The following CDKL4 variants were observed in gnomAD, a reference collection of about 807,000 sequenced individuals.
CDKL4 encodes cyclin-dependent kinase-like 4.
CDKL4 carries 44 observed loss-of-function variants against 42.0 expected under a neutral mutation model. The observed-to-expected ratio is 1.05, with a 90% CI of 0.82 to 1.35. The LOEUF (loss-of-function observed/expected upper bound fraction) is 1.35, where lower values mean the gene tolerates loss of function less well. CDKL4 is among the 40% of genes most tolerant of loss of function. The pLI is 0.00. For missense variants in CDKL4, 393 were observed against 369.9 expected (o/e 1.06, Z -0.51); for synonymous variants, 120 against 121.6 (o/e 0.99, Z 0.09).
chr2:39,183,508 G>A (rs192622862), intron 8 of CDKL4, among the ~76,000 whole-genome samples: 3 of 152,272 alleles, frequency 2.0e-5, no homozygotes. Context: ...TGAGGACAGG[G>A]AACTTGTCCT....
downstream of CDKL4, among the ~76,000 whole-genome samples, chr2:39,171,738 T>C (rs1572929036): frequency 6.6e-6 from 1 of 152,200 alleles, no homozygotes; most frequent in Admixed American, 6.5e-5. Context: ...GACTCTAAGA[T>C]ACGTGTGTGT....
chr2:39,219,675 C>A (rs1678184277), intron 3 of CDKL4, among the ~76,000 whole-genome samples: 1 of 152,070 alleles, frequency 6.6e-6, no homozygotes, highest in African/African-American at 2.4e-5. Context: ...CCTGCCTCGG[C>A]CTCCCAGAGT....
the CDKL4 span, among the ~76,000 whole-genome samples, chr2:39,168,288 G>A: frequency 6.6e-6 from 1 of 152,144 alleles, no homozygotes. Flanking sequence ...TGGACACACA[G>A]AATCTTCAAT....
chr2:39,172,986 C>T (rs1249219825), downstream of CDKL4, among the ~76,000 whole-genome samples: 1 of 151,826 alleles, frequency 6.6e-6, no homozygotes, highest in Non-Finnish European at 1.5e-5. Flanking sequence ...ATGGATTTGT[C>T]TGAGGAAAAA....
chr2:39,219,610 G>A (rs114195770), intron 3 of CDKL4, among the ~76,000 whole-genome samples: 3,728 of 152,034 alleles, frequency 0.025, 55 homozygotes, highest in African/African-American at 0.028. Context: ...TAGTAGAAAC[G>A]GGATTTCACC....
chr2:39,202,204 C>T (rs1027154300), intron 5 of CDKL4, among the ~76,000 whole-genome samples: 2 of 152,032 alleles, frequency 1.3e-5, no homozygotes, highest in African/African-American at 4.8e-5. Context: ...TGCACTCCAG[C>T]CTGGGCAACA....
At chr2:39,232,930 A>G (rs1679154257) in intron 1 of CDKL4, among the ~76,000 whole-genome samples, 1 of 151,254 alleles carries the variant, frequency 6.6e-6, no homozygotes, top group African/African-American at 2.4e-5. Flanking sequence ...CTGTAGTCCC[A>G]GCTACTCAGG....
At chr2:39,204,764 C>CA in intron 4 of CDKL4, 147 bp from the exon 5 acceptor site, 1 of 440,834 alleles carries the variant, frequency 2.3e-6, no homozygotes, top group Non-Finnish European at 3.9e-6. Context: ...CTTAAATTGG[C>CA]AATTTTTCAC....
chr2:39,187,492 C>T, intron 7 of CDKL4, 135 bp downstream of exon 7: 1 of 601,090 alleles, frequency 1.7e-6, no homozygotes. Context: ...CTGCAGTGAG[C>T]CATGACCTTG....
At chr2:39,207,267 C>T (rs1277152267) in intron 4 of CDKL4, among the ~76,000 whole-genome samples, 1 of 152,006 alleles carries the variant, frequency 6.6e-6, no homozygotes, top group Non-Finnish European at 1.5e-5. Context: ...TGCCTTTAGT[C>T]CCAGCTACAC....
chr2:39,245,494 G>C (rs937764962), upstream of CDKL4, among the ~76,000 whole-genome samples: 1 of 152,178 alleles, frequency 6.6e-6, no homozygotes, highest in African/African-American at 2.4e-5. Flanking sequence ...GTCAGTGACT[G>C]CAAGAACCCA....
intron 3 of CDKL4, among the ~76,000 whole-genome samples, chr2:39,219,219 G>C (rs1473656688): frequency 2.6e-5 from 4 of 152,176 alleles, no homozygotes; most frequent in Admixed American, 6.5e-5. Flanking sequence ...GAACTAGCTA[G>C]AGTGAATTCT....
At chr2:39,220,994 T>TG (rs1678303633) in intron 3 of CDKL4, among the ~76,000 whole-genome samples, 1 of 44,826 alleles carries the variant, frequency 2.2e-5, no homozygotes, top group Non-Finnish European at 1.0e-4. Context: ...TTTTTTTTTT[T>TG]TTTTTTGTTT....
intron 3 of CDKL4, among the ~76,000 whole-genome samples, chr2:39,217,998 G>T (rs1573001774): frequency 6.6e-6 from 1 of 152,162 alleles, no homozygotes; most frequent in South Asian, 2.1e-4. Flanking sequence ...CTCCCAAAGT[G>T]TTGGGATTAC....
chr2:39,192,865 C>G (rs940319968), intron 5 of CDKL4, among the ~76,000 whole-genome samples: 1 of 152,056 alleles, frequency 6.6e-6, no homozygotes, highest in Non-Finnish European at 1.5e-5. Context: ...GTAGCTCACA[C>G]CTATAACCCC....
intron 4 of CDKL4, among the ~76,000 whole-genome samples, chr2:39,206,932 G>T (rs1372117720): frequency 6.6e-6 from 1 of 152,132 alleles, no homozygotes. Context: ...AAAGAGCTGA[G>T]CCCTAAAATC....
At chr2:39,192,504 G>C (rs1353566199) in intron 5 of CDKL4, among the ~76,000 whole-genome samples, 1 of 151,046 alleles carries the variant, frequency 6.6e-6, no homozygotes, top group East Asian at 2.0e-4. Context: ...GGGACTATAG[G>C]GGCTTGAAAC....
At chr2:39,231,633 G>A (rs1679097297) in intron 1 of CDKL4, among the ~76,000 whole-genome samples, 1 of 152,156 alleles carries the variant, frequency 6.6e-6, no homozygotes, top group Non-Finnish European at 1.5e-5. Context: ...AGCCCTATTA[G>A]TTATACTGTA....
At chr2:39,230,003 A>C (rs1378115409) in intron 1 of CDKL4, among the ~76,000 whole-genome samples, 1 of 152,212 alleles carries the variant, frequency 6.6e-6, no homozygotes, top group East Asian at 1.9e-4. Context: ...GGAGTTGTGT[A>C]AGAAGACATG....
Sources: allele counts gnomAD v4.1 joint callset (sites outside exome capture counted in the v4.1 genomes callset), GRCh38; gene constraint gnomAD v4.1.1; transcripts MANE v1.5; gene names NCBI Gene and HGNC (gene_info 2026-07-23, HGNC 2026-07-21).